C1orf21: variants seen among roughly 807,000 people sequenced by gnomAD.
C1orf21 encodes the protein chromosome 1 open reading frame 21.
A neutral mutation model predicts 18.7 loss-of-function variants in C1orf21; 3 were observed. The ratio of observed to expected loss-of-function variants is 0.16; its 90% CI spans 0.07 to 0.42. The LOEUF (loss-of-function observed/expected upper bound fraction) is 0.42. Among genes scored for constraint, C1orf21 ranks in the 10% least tolerant of loss-of-function variants. The pLI is 0.99. For synonymous variants in C1orf21, 41 were observed against 46.4 expected (o/e 0.88, Z 0.47); for missense variants, 104 against 143.6 (o/e 0.72, Z 1.41).
intron 1 of C1orf21, among the ~76,000 whole-genome samples, chr1:184,428,781 A>G (rs16823145): frequency 0.079 from 11,954 of 152,150 alleles, 823 homozygotes; most frequent in African/African-American, 0.18. Context: ...GGTGGATAAA[A>G]TGGGCCCAGA....
intron 4 of C1orf21, among the ~76,000 whole-genome samples, chr1:184,591,666 C>T (rs1659438509): frequency 6.6e-6 from 1 of 152,014 alleles, no homozygotes. Flanking sequence ...CTTAGCCGGG[C>T]ATGGTGGCGG....
At chr1:184,567,487 T>C in intron 3 of C1orf21, 1 of 539,960 alleles carries the variant, frequency 1.9e-6, no homozygotes, top group South Asian at 1.4e-5. Flanking sequence ...TGTATTGGAT[T>C]GTAGGGAAGC....
chr1:184,618,600 T>TA (rs1233501983), intron 5 of C1orf21, among the ~76,000 whole-genome samples: 2 of 152,110 alleles, frequency 1.3e-5, no homozygotes, highest in Non-Finnish European at 2.9e-5. Flanking sequence ...TAAGTATTGG[T>TA]ACTTTTAGAA....
At chr1:184,426,029 G>A (rs1369261686) in intron 1 of C1orf21, among the ~76,000 whole-genome samples, 1 of 152,234 alleles carries the variant, frequency 6.6e-6, no homozygotes, top group Non-Finnish European at 1.5e-5. Flanking sequence ...GTACTCAGCA[G>A]CTCTGCCAGT....
chr1:184,413,618 C>CAA (rs1656395918), intron 1 of C1orf21, among the ~76,000 whole-genome samples: 2 of 152,302 alleles, frequency 1.3e-5, no homozygotes, highest in South Asian at 4.1e-4. Context: ...GCCCAGGAAC[C>CAA]CGAGGCATTG....
intron 3 of C1orf21, chr1:184,566,775 A>G: frequency 4.8e-6 from 2 of 420,746 alleles, no homozygotes; most frequent in Non-Finnish European, 9.6e-6. Flanking sequence ...TGGTGTTGTG[A>G]TGCTGCTCTG....
At chr1:184,552,845 A>C (rs1658831161) in intron 3 of C1orf21, among the ~76,000 whole-genome samples, 1 of 152,256 alleles carries the variant, frequency 6.6e-6, no homozygotes, top group Non-Finnish European at 1.5e-5. Context: ...TTCTACAATG[A>C]AATATTGCTT....
intron 2 of C1orf21, among the ~76,000 whole-genome samples, chr1:184,494,488 C>A (rs1441456242): frequency 2.6e-5 from 4 of 152,022 alleles, no homozygotes; most frequent in Non-Finnish European, 5.9e-5. Context: ...GCTCAGTAGT[C>A]CTAGCAAGAG....
chr1:184,415,207 A>G (rs1656430074), intron 1 of C1orf21, among the ~76,000 whole-genome samples: 1 of 152,172 alleles, frequency 6.6e-6, no homozygotes, highest in South Asian at 2.1e-4. Flanking sequence ...TATGTGTTTA[A>G]AGAACACTAA....
chr1:184,499,448 C>T (rs549901583), intron 2 of C1orf21, among the ~76,000 whole-genome samples: 2 of 152,216 alleles, frequency 1.3e-5, no homozygotes, highest in African/African-American at 4.8e-5. Context: ...TTAAGTAGCA[C>T]AGGGCTGGTA....
intron 1 of C1orf21, among the ~76,000 whole-genome samples, chr1:184,414,687 C>T (rs994207174): frequency 6.6e-6 from 1 of 151,806 alleles, no homozygotes; most frequent in Admixed American, 6.6e-5. Flanking sequence ...TGTTCAAATT[C>T]CATGGTCTAT....
In C1orf21 at chr1:184,612,687, C is replaced by CA. The variant is rs200017191; in HGVS notation, c.328-6823dup. On this transcript the variant is annotated intron_variant, in intron 5 of 5. Coordinates refer to ENST00000235307, the MANE Select transcript of C1orf21 (RefSeq NM_030806.4). ...CAGAGCCAGGCTCCATCTCAAAAAACAAAAAAAAGCCCACTGAACATTATG... is the reference window on the plus strand; with the variant it reads ...CAGAGCCAGGCTCCATCTCAAAAAACAAAAAAAAAGCCCACTGAACATTATG... 9.5e-3 allele frequency among the ~76,000 whole-genome samples: 1,429 copies of CA among 151,206 alleles called. 15 individuals are homozygous for CA. Among genetic ancestry groups the CA allele is most frequent in the African/African-American group, 0.031 (1,294 of 41,298 alleles).
At chr1:184,507,781 G>T in intron 3 of C1orf21, 99 bp downstream of exon 3, 1 of 928,818 alleles carries the variant, frequency 1.1e-6, no homozygotes, top group Non-Finnish European at 1.6e-6. Context: ...ACTGGCACAA[G>T]ATTTCTTGAA....
chr1:184,412,687 C>T (rs1328913324), intron 1 of C1orf21, among the ~76,000 whole-genome samples: 4 of 152,058 alleles, frequency 2.6e-5, no homozygotes, highest in Admixed American at 6.6e-5. Flanking sequence ...ACACACCTGT[C>T]ATCCTAGCTG....
At chr1:184,546,461 C>T (rs1460335778) in intron 3 of C1orf21, among the ~76,000 whole-genome samples, 1 of 152,106 alleles carries the variant, frequency 6.6e-6, no homozygotes, top group Non-Finnish European at 1.5e-5. Flanking sequence ...ATGCATTTAG[C>T]ATCTATTCTG....
At chr1:184,587,262 C>CTTTTTTT (rs35263651) in intron 3 of C1orf21, among the ~76,000 whole-genome samples, 1 of 76,456 alleles carries the variant, frequency 1.3e-5, no homozygotes, top group Non-Finnish European at 2.9e-5. Context: ...GCTATTTGGG[C>CTTTTTTT]TTTTTTTTTT....
intron 1 of C1orf21, among the ~76,000 whole-genome samples, chr1:184,394,102 C>G (rs1656012180): frequency 6.6e-6 from 1 of 152,200 alleles, no homozygotes; most frequent in African/African-American, 2.4e-5. Flanking sequence ...ATCCCATTGA[C>G]TCACTACATA....
At chr1:184,391,954 C>T (rs1344897181) in intron 1 of C1orf21, among the ~76,000 whole-genome samples, 1 of 152,152 alleles carries the variant, frequency 6.6e-6, no homozygotes, top group Non-Finnish European at 1.5e-5. Context: ...GTGATCTGCC[C>T]ACCATGGCCT....
At chr1:184,504,726 G>A (rs917199113) in intron 2 of C1orf21, among the ~76,000 whole-genome samples, 44 of 152,246 alleles carry the variant, frequency 2.9e-4, no homozygotes, top group African/African-American at 9.6e-4. Context: ...GTTTTATACC[G>A]TGATGGATTT....
Sources: allele counts gnomAD v4.1 joint callset (sites outside exome capture counted in the v4.1 genomes callset), GRCh38; gene constraint gnomAD v4.1.1; transcripts MANE v1.5; gene names NCBI Gene and HGNC (gene_info 2026-07-23, HGNC 2026-07-21).